Variants in RAB33A observed in about 807,000 individuals in gnomAD.
RAB33A encodes the protein ras-related protein Rab-33A.
In RAB33A, 6 loss-of-function variants were observed where a neutral mutation model predicts 12.0. That is an observed-to-expected ratio of 0.50 (90% CI 0.27 to 0.99). The LOEUF (loss-of-function observed/expected upper bound fraction) is 0.99. RAB33A is among the 50% of genes least tolerant of loss of function. The pLI is 0.11. For synonymous variants in RAB33A, 70 were observed against 82.4 expected (o/e 0.85, Z 0.81); for missense variants, 109 against 192.0 (o/e 0.57, Z 2.55).
chrX:130,142,527 T>C, the RAB33A span, among the ~76,000 whole-genome samples: 1 of 112,025 alleles, frequency 8.9e-6, no homozygotes, highest in Admixed American at 9.5e-5. Flanking sequence ...ATCCAATAGG[T>C]CCCACCTTTG....
At chrX:130,176,515 GA>G (rs1460596095) in intron 1 of RAB33A, among the ~76,000 whole-genome samples, 27 of 110,853 alleles carry the variant, frequency 2.4e-4, no homozygotes, top group Non-Finnish European at 2.8e-4. Flanking sequence ...ATCACTGGGG[GA>G]AAAAAAATAC....
chrX:130,129,142 G>A, the RAB33A span, among the ~76,000 whole-genome samples: 1 of 111,346 alleles, frequency 9.0e-6, no homozygotes, highest in Non-Finnish European at 1.9e-5. Flanking sequence ...GAGGAGAGGA[G>A]GGGAGTCAAG....
the RAB33A span, chrX:130,133,187 G>C: frequency 2.2e-6 from 2 of 891,290 alleles, no homozygotes; most frequent in Admixed American, 2.2e-5. Context: ...GTGGACATAA[G>C]ATGGACTTTT....
upstream of RAB33A, chrX:130,171,727 T>C (rs929188151): frequency 1.2e-4 from 31 of 259,082 alleles, no homozygotes; most frequent in Non-Finnish European, 1.8e-4. Context: ...GGTAGGGTCC[T>C]TCGCCAGAGC....
At chrX:130,182,327 A>G (rs2031740569) in intron 1 of RAB33A, among the ~76,000 whole-genome samples, 1 of 108,066 alleles carries the variant, frequency 9.3e-6, no homozygotes, top group Non-Finnish European at 1.9e-5. Flanking sequence ...ATATTTAAAA[A>G]GAAGAAAATA....
chrX:130,165,479 G>GGGCT, the RAB33A span: 1 of 903,821 alleles, frequency 1.1e-6, no homozygotes, highest in Non-Finnish European at 1.6e-6. Context: ...CGGGGGTAGA[G>GGGCT]GGCTGCAAGG....
chrX:130,182,137 T>TAAA (rs1362296138), intron 1 of RAB33A, among the ~76,000 whole-genome samples: 2 of 13,570 alleles, frequency 1.5e-4, no homozygotes, highest in Admixed American at 1.1e-3. Flanking sequence ...ATTCTGTCTC[T>TAAA]ACAAAAAAAA....
chrX:130,126,976 G>A, the RAB33A span, among the ~76,000 whole-genome samples: 11 of 112,154 alleles, frequency 9.8e-5, no homozygotes, highest in Admixed American at 1.0e-3. Flanking sequence ...ATAAAGGGAG[G>A]AGGGATGGCG....
the RAB33A span, among the ~76,000 whole-genome samples, chrX:130,119,121 G>A: frequency 3.6e-5 from 4 of 111,156 alleles, no homozygotes; most frequent in Non-Finnish European, 7.6e-5. Context: ...TCCACTCTTC[G>A]GAGGAATGTG....
chrX:130,147,949 A>G, the RAB33A span: 1 of 1,163,252 alleles, frequency 8.6e-7, no homozygotes, highest in Non-Finnish European at 1.2e-6. Flanking sequence ...TTAAAAAAAA[A>G]TCACCTTGCA....
Position 130,184,462 on chromosome X carries a change from AAAGTGC to A in RAB33A, c.437_442del (p.Lys146_Leu148delinsIle). The stretch of plus-strand genomic sequence containing the variant: ...GCATGCTGTGCCCCCACTAGTCCCC[AAAGTGC>A]TTGTGGGCAACAAGTGTGACTTGAG... On this transcript the variant is annotated inframe_deletion, in exon 2 of 2. Transcript: ENST00000257017. 1 of 1,211,992 alleles carries A rather than the reference AAAGTGC, an allele frequency of 8.3e-7. No homozygotes were observed. Among genetic ancestry groups the A allele is most frequent in the Non-Finnish European group, 1.1e-6 (1 of 895,341 alleles).
the RAB33A span, chrX:130,137,834 G>A: frequency 3.2e-5 from 24 of 758,570 alleles, no homozygotes; most frequent in Non-Finnish European, 3.9e-5. Context: ...TGGCCGAGGT[G>A]GGTGGATCAC....
the RAB33A span, among the ~76,000 whole-genome samples, chrX:130,132,603 ATG>A: frequency 1.2e-4 from 14 of 112,323 alleles, no homozygotes; most frequent in African/African-American, 4.5e-4. Flanking sequence ...AGCTCTTGCT[ATG>A]TTGTCCAGGT....
chrX:130,139,294 C>T, the RAB33A span, among the ~76,000 whole-genome samples: 4 of 108,659 alleles, frequency 3.7e-5, no homozygotes, highest in African/African-American at 1.0e-4. Context: ...ATCGCACCAC[C>T]GCACTCCAGC....
chrX:130,148,922 C>CTTT, the RAB33A span, among the ~76,000 whole-genome samples: 9 of 68,363 alleles, frequency 1.3e-4, no homozygotes, highest in African/African-American at 4.8e-4. Flanking sequence ...TTTTAAGAGA[C>CTTT]TTTTTTTTTT....
the RAB33A span, among the ~76,000 whole-genome samples, chrX:130,134,316 A>G: frequency 6.4e-4 from 71 of 111,329 alleles, 1 homozygote; most frequent in Middle Eastern, 4.6e-3. Flanking sequence ...ACTTATGTCT[A>G]CTTCCTGTTC....
chrX:130,171,039 C>T (rs746967539), upstream of RAB33A, among the ~76,000 whole-genome samples: 1 of 113,247 alleles, frequency 8.8e-6, no homozygotes, highest in Non-Finnish European at 1.9e-5. Context: ...GAGCCGCTCT[C>T]CTGAACATTC....
the RAB33A span, chrX:130,165,632 C>A: frequency 1.7e-6 from 2 of 1,200,304 alleles, no homozygotes. Flanking sequence ...AAAGCACCCG[C>A]CGCCAGGCCT....
chrX:130,180,880 C>T (rs751245393), intron 1 of RAB33A, among the ~76,000 whole-genome samples: 52 of 103,892 alleles, frequency 5.0e-4, no homozygotes, highest in African/African-American at 1.5e-3. Context: ...CAGTGGCACA[C>T]GCCTGTTATC....
Sources: gnomAD v4.1 joint callset for allele counts (sites outside exome capture counted in the v4.1 genomes callset) on GRCh38, gnomAD v4.1.1 for gene constraint, MANE v1.5 for transcripts, NCBI Gene and HGNC (gene_info 2026-07-23, HGNC 2026-07-21) for gene names.